Variants in CYBA observed in about 807,000 individuals in gnomAD.
CYBA encodes the protein cytochrome b-245 alpha chain.
Under a neutral mutation model 20.8 loss-of-function variants are expected in CYBA, and 21 were observed. That is an observed-to-expected ratio of 1.01 (90% confidence interval 0.72 to 1.46). CYBA has a LOEUF of 1.46. Ranked by LOEUF, CYBA falls within the 40% of genes most tolerant of loss-of-function variation. CYBA has a pLI of 0.00. For missense variants in CYBA, 344 were observed against 287.0 expected (o/e 1.20, Z -1.43); for synonymous variants, 164 against 127.5 (o/e 1.29, Z -1.93).
intron 2 of CYBA, among the ~76,000 whole-genome samples, chr16:88,647,377 T>C (rs1016601476): frequency 6.6e-6 from 1 of 152,156 alleles, no homozygotes; most frequent in Admixed American, 6.5e-5. Flanking sequence ...CCCTCATCTC[T>C]ACAAAAAATT....
intron 1 of CYBA, 45 bp from the exon 2 acceptor site, chr16:88,648,159 G>C: frequency 6.4e-7 from 1 of 1,561,560 alleles, no homozygotes; most frequent in Non-Finnish European, 8.7e-7. Context: ...CCCGTCCCGG[G>C]GGCCTGGGCC....
chr16:88,644,872 T>G, intron 5 of CYBA: 3 of 434,696 alleles, frequency 6.9e-6, no homozygotes, highest in East Asian at 3.8e-5. Context: ...AATAGAAAAA[T>G]GGGCAAAGGA....
At chr16:88,646,529 T>G (rs748300004) in intron 4 of CYBA, 27 of 699,626 alleles carry the variant, frequency 3.9e-5, no homozygotes, top group Non-Finnish European at 6.8e-5. Flanking sequence ...CCCCAGACCC[T>G]GGCGACGGAT....
At position 88,643,598 on chromosome 16, in the gene CYBA, C is replaced by A. The variant is rs746133568; in HGVS notation, c.370-27G>T. On this transcript the variant is annotated intron_variant, in intron 5 of 5. Transcript: ENST00000261623. This position sits in a 1 kb window ranked among gnomAD's most constrained non-coding sequence, Gnocchi z 4.3. ...TGCGGGGCACTGAAGGGTTGAGCCGCGCCCCAGCGCCCGCCCTCCCTCCCT... is the reference window on the plus strand; with the variant it reads ...TGCGGGGCACTGAAGGGTTGAGCCGAGCCCCAGCGCCCGCCCTCCCTCCCT... 40 of 1,525,122 alleles carry A rather than the reference C, an allele frequency of 2.6e-5. No individual in the cohort carries two copies. The highest frequency in any genetic ancestry group is 3.2e-5 in the Non-Finnish European group (37 of 1,139,814). The allele number at this position is 1,525,122 out of a possible 1,614,324, so 94.5% of individuals were successfully genotyped here. A position where few individuals can be genotyped will look rare whatever the true frequency, so the allele number is the denominator to read the frequency against.
In CYBA at chr16:88,648,084, G is replaced by A. The variant is rs765972539; in HGVS notation, c.89C>T (p.Ala30Val). ...AAAGTACCACTGGGTGAAGCGCCCA[G>A]CTGTGGCCACGATGCCCCCGGTGAT... ...ILITGGIVAT[A>V]GRFTQWYFGA... Residue 30 changes from alanine to valine, a missense_variant, in exon 2 of 6, where the codon GCT becomes GTT. Physicochemically the swap from Ala to Val is moderately conservative, Grantham distance 64. Coordinates refer to ENST00000261623, the MANE Select transcript of CYBA (RefSeq NM_000101.4). 6.2e-7 allele frequency: 1 copy of A among 1,613,062 alleles called. No individual in the cohort carries two copies. The highest frequency in any genetic ancestry group is 8.5e-7 in the Non-Finnish European group (1 of 1,179,844).
At chr16:88,645,187 G>C in intron 5 of CYBA, 1 of 702,364 alleles carries the variant, frequency 1.4e-6, no homozygotes. Flanking sequence ...TGGCAGCAGG[G>C]AGACGGGGGG....
At chr16:88,645,120 C>A in intron 5 of CYBA, 1 of 696,942 alleles carries the variant, frequency 1.4e-6, no homozygotes, top group South Asian at 1.5e-5. Context: ...AGCAATTCCT[C>A]TCTGGGTTTA....
At chr16:88,647,975 C>T in intron 2 of CYBA, 70 bp downstream of exon 2, 1 of 1,450,140 alleles carries the variant, frequency 6.9e-7, no homozygotes, top group Non-Finnish European at 9.5e-7. Context: ...GCAAACAGCT[C>T]ACTGTGAAGT....
chr16:88,649,170 C>G (rs890478919), intron 1 of CYBA, among the ~76,000 whole-genome samples: 6 of 152,086 alleles, frequency 3.9e-5, no homozygotes, highest in South Asian at 2.1e-4. Flanking sequence ...ATCTCCTGAC[C>G]TCGTGATCCG....
chr16:88,645,581 T>G (rs1242921775), intron 5 of CYBA: 3 of 618,350 alleles, frequency 4.9e-6, no homozygotes, highest in Non-Finnish European at 8.7e-6. Flanking sequence ...CGCCCTGTCC[T>G]CCCACCCATC....
chr16:88,643,568 CCGCCTGCGGGG>C lies in CYBA; in HGVS notation c.370-8_372del. 6.5e-7 allele frequency: 1 copy of C among 1,532,712 alleles called. No individual in the cohort carries two copies. Among genetic ancestry groups the C allele is most frequent in the Non-Finnish European group, 8.7e-7 (1 of 1,145,554 alleles). The allele number at this position is 1,532,712 out of a possible 1,614,324, so 94.9% of individuals were successfully genotyped here. A position where few individuals can be genotyped will look rare whatever the true frequency, so the allele number is the denominator to read the frequency against. The stretch of plus-strand genomic sequence containing the variant: ...GGCGTCCACTGCTCGCCACGCACAG[CCGCCTGCGGGG>C]CACTGAAGGGTTGAGCCGCGCCCCA... On this transcript the variant is annotated splice_acceptor_variant and splice_polypyrimidine_tract_variant and coding_sequence_variant and intron_variant, in exon 6 of 6. Coordinates refer to ENST00000261623, the MANE Select transcript of CYBA (RefSeq NM_000101.4). This position sits in a 1 kb window ranked among gnomAD's most constrained non-coding sequence, Gnocchi z 4.3.
At chr16:88,647,924 C>T (rs921824700) in intron 2 of CYBA, 121 bp downstream of exon 2, 2 of 1,000,306 alleles carry the variant, frequency 2.0e-6, no homozygotes, top group Non-Finnish European at 1.5e-6. Context: ...GTGCACAGCC[C>T]ACCCTGTGTC....
intron 4 of CYBA, 129 bp from the exon 5 acceptor site, chr16:88,646,326 G>T (rs1336180342): frequency 1.4e-6 from 1 of 692,512 alleles, no homozygotes; most frequent in Non-Finnish European, 2.5e-6. Flanking sequence ...GGACGTGCGC[G>T]GACCGGGGCT....
Position 88,647,169 on chromosome 16 carries a change from C to T in CYBA, c.135G>A (p.Ala45=), listed in dbSNP as rs372187837. 4 of 1,612,106 alleles carry T rather than the reference C, an allele frequency of 2.5e-6. No homozygotes were observed. Among genetic ancestry groups the T allele is most frequent in the East Asian group, 2.2e-5 (1 of 44,868 alleles). Residue 45 remains alanine (A), a synonymous_variant, in exon 3 of 6, where the codon GCG becomes GCA. Coordinates refer to ENST00000261623, the MANE Select transcript of CYBA (RefSeq NM_000101.4). ...ACTCCAGCAGGCACACAAACACGCC[C>T]GCCACACTGAAGCCATGTGGTTAAG... The part of the protein sequence containing the change: ...QWYFGAYSIV[A]GVFVCLLEYP...
intron 2 of CYBA, 115 bp downstream of exon 2, chr16:88,647,930 G>A (rs896893574): frequency 9.6e-7 from 1 of 1,046,344 alleles, no homozygotes; most frequent in Non-Finnish European, 1.4e-6. Context: ...AGCCCACCCT[G>A]TGTCCCAGCC....
At chr16:88,647,978 T>C in intron 2 of CYBA, 67 bp downstream of exon 2, 2 of 1,479,914 alleles carry the variant, frequency 1.4e-6, no homozygotes, top group South Asian at 1.2e-5. Flanking sequence ...AACAGCTCAC[T>C]GTGAAGTGGC....
intron 3 of CYBA, 114 bp downstream of exon 3, chr16:88,646,987 A>T (rs1360744207): frequency 8.2e-7 from 1 of 1,215,438 alleles, no homozygotes; most frequent in African/African-American, 1.5e-5. Flanking sequence ...ACCCACAAGC[A>T]CCAAAGGGTT....
chr16:88,647,907 C>A, intron 2 of CYBA, 138 bp downstream of exon 2: 1 of 855,954 alleles, frequency 1.2e-6, no homozygotes, highest in South Asian at 1.5e-5. Flanking sequence ...CCTGGGCTGC[C>A]CAACCCGTGC....
At position 88,646,175 on chromosome 16, in the gene CYBA, G is replaced by T. The variant is rs867247522; in HGVS notation, c.310C>A (p.Leu104Met). ...HLLLSVPAGF[L>M]LATILGTACL... The stretch of plus-strand genomic sequence containing the variant: ...GCGGTCCCAAGGATGGTGGCCAGCA[G>T]GAAGCCGGCGGGCACCGAGAGCCTG... The change falls in exon 5 of 6, where the codon CTG (leucine) becomes ATG (methionine). Residue 104 changes from leucine (L) to methionine (M), a missense_variant. Transcript: ENST00000261623. 6.4e-7 allele frequency: 1 copy of T among 1,557,678 alleles called. No individual in the cohort carries two copies.
Sources: gnomAD v4.1 joint callset for allele counts (sites outside exome capture counted in the v4.1 genomes callset) on GRCh38, gnomAD v4.1.1 for gene constraint, Gnocchi (gnomAD v3.1) non-coding constraint, MANE v1.5 for transcripts, NCBI Gene and HGNC (gene_info 2026-07-23, HGNC 2026-07-21) for gene names.